PLEKHH2: variants seen among roughly 807,000 people sequenced by gnomAD.
The protein encoded by PLEKHH2 is pleckstrin homology, MyTH4 and FERM domain containing H2, also known as pleckstrin homology domain-containing family H member 2.
In PLEKHH2, 129 loss-of-function variants were observed where a neutral mutation model predicts 187.9. The observed-to-expected ratio is 0.69, with a 90% CI of 0.59 to 0.79. The LOEUF (loss-of-function observed/expected upper bound fraction) is 0.79. PLEKHH2 is among the 30% of genes least tolerant of loss of function. PLEKHH2 has a pLI of 0.00. For synonymous variants in PLEKHH2, 686 were observed against 605.6 expected (o/e 1.13, Z -1.95); for missense variants, 2,076 against 1,751.2 (o/e 1.19, Z -3.31).
chr2:43,726,202 G>A, intron 16 of PLEKHH2, 70 bp from the exon 17 acceptor site: 2 of 1,013,958 alleles, frequency 2.0e-6, no homozygotes, highest in East Asian at 2.6e-5. Flanking sequence ...AAATGAAAAG[G>A]ACTATGAAAT....
In PLEKHH2 at chr2:43,758,898, A is replaced by G; in HGVS notation, c.3942-2A>G. On this transcript the variant is annotated splice_acceptor_variant, in intron 26 of 29. Coordinates refer to ENST00000282406, the MANE Select transcript of PLEKHH2 (RefSeq NM_172069.4). LOFTEE classifies it high-confidence loss of function. ...TGTTTTTGTTCTTTTCTTTTTTTTT[A>G]GGCAGCTTTGCCAGCGACTTTCAAC... 6.4e-7 allele frequency: 1 copy of G among 1,568,208 alleles called. No homozygotes were observed. Among genetic ancestry groups the G allele is most frequent in the Non-Finnish European group, 8.6e-7 (1 of 1,156,544 alleles).
At chr2:43,681,779 C>T (rs1321999756) in intron 3 of PLEKHH2, among the ~76,000 whole-genome samples, 1 of 152,208 alleles carries the variant, frequency 6.6e-6, no homozygotes, top group Non-Finnish European at 1.5e-5. Context: ...TGGACCCTCT[C>T]CCCACCAGGC....
chr2:43,680,883 C>G, intron 3 of PLEKHH2: 1 of 566,294 alleles, frequency 1.8e-6, no homozygotes, highest in Non-Finnish European at 3.2e-6. Flanking sequence ...TTCCATTTGA[C>G]AAGTAGAATT....
chr2:43,640,147 A>G (rs995311926), intron 1 of PLEKHH2, among the ~76,000 whole-genome samples: 2 of 152,140 alleles, frequency 1.3e-5, no homozygotes, highest in African/African-American at 4.8e-5. Flanking sequence ...TAAAGTTACC[A>G]ATACTTTATA....
intron 4 of PLEKHH2, 113 bp from the exon 5 acceptor site, chr2:43,694,318 T>G: frequency 8.2e-7 from 1 of 1,217,130 alleles, no homozygotes; most frequent in Non-Finnish European, 1.1e-6. Context: ...TGAAAGCAGA[T>G]ATAGTAACTT....
In PLEKHH2 at chr2:43,766,463, A is replaced by G. The variant is rs193174719; in HGVS notation, c.*865A>G. ...TTGAAAATAGATTCCCTACACATAC[A>G]TACATATGTATGCACAGATAGGGTC... On this transcript the variant is annotated 3_prime_UTR_variant, in exon 30 of 30. Transcript: ENST00000282406. 1 of 152,746 alleles carries G rather than the reference A, an allele frequency of 6.5e-6. No individual in the cohort carries two copies. Among genetic ancestry groups the G allele is most frequent in the East Asian group, 1.9e-4 (1 of 5,322 alleles). The allele number at this position is 152,746 out of a possible 1,614,324, so 9.5% of individuals were successfully genotyped here.
intron 24 of PLEKHH2, among the ~76,000 whole-genome samples, chr2:43,751,635 C>G (rs979834222): frequency 1.3e-5 from 2 of 152,320 alleles, no homozygotes; most frequent in South Asian, 4.1e-4. Context: ...GGGAATACCC[C>G]CGCGAGCTAA....
At chr2:43,675,900 T>G in intron 2 of PLEKHH2, 1 of 1,614,126 alleles carries the variant, frequency 6.2e-7, no homozygotes, top group African/African-American at 1.3e-5. Flanking sequence ...TAGTGGGAAG[T>G]GCAAGGAAGA....
rs116517662 is a variant in PLEKHH2, at chr2:43,715,327, G to C, written c.2460+2944G>C. 5.1e-3 allele frequency among the ~76,000 whole-genome samples: 782 copies of C among 152,254 alleles called. 6 individuals carry two copies. The highest frequency in any genetic ancestry group is 0.017 in the African/African-American group (718 of 41,548). ...TCTCGAAGCAGTGCCAGCTGCACTAGGAACAAGTCCTTTGGAGAAAAAGCT... is the reference window on the plus strand; with the variant it reads ...TCTCGAAGCAGTGCCAGCTGCACTACGAACAAGTCCTTTGGAGAAAAAGCT... On this transcript the variant is annotated intron_variant, in intron 15 of 29. Coordinates refer to ENST00000282406, the MANE Select transcript of PLEKHH2 (RefSeq NM_172069.4).
intron 3 of PLEKHH2, among the ~76,000 whole-genome samples, chr2:43,690,569 G>T (rs536726219): frequency 1.3e-5 from 2 of 152,208 alleles, no homozygotes; most frequent in Admixed American, 6.5e-5. Context: ...GATTCCTTTT[G>T]ACTTTTCAGA....
chr2:43,730,940 A>T (rs1572633137), intron 18 of PLEKHH2, among the ~76,000 whole-genome samples: 1 of 152,146 alleles, frequency 6.6e-6, no homozygotes, highest in East Asian at 1.9e-4. Context: ...CATGCCCCCT[A>T]CCTAGGTCAC....
At position 43,706,315 on chromosome 2, in the gene PLEKHH2, G is replaced by A. The variant is rs563727095; in HGVS notation, c.1727-7G>A. ...TTAAAATGTTGTTTCCTGTTTTTCTGTTTCAGATTCTGCTGCAACCCTTTC... is the reference window on the plus strand; with the variant it reads ...TTAAAATGTTGTTTCCTGTTTTTCTATTTCAGATTCTGCTGCAACCCTTTC... On this transcript the variant is annotated splice_polypyrimidine_tract_variant and splice_region_variant and intron_variant, in intron 9 of 29. Transcript: ENST00000282406. 6.3e-7 allele frequency: 1 copy of A among 1,584,818 alleles called. No individual in the cohort carries two copies.
At position 43,673,765 on chromosome 2, in the gene PLEKHH2, T is replaced by G. The variant is rs572580121; in HGVS notation, c.124-5098T>G. Among the ~76,000 whole-genome samples the G allele has an allele frequency of 3.9e-5, 6 of 152,342 alleles. No individual in the cohort carries two copies. In the South Asian group the frequency reaches 1.2e-3, roughly 32 times the overall value. ...GGAGACTCAGATAAGTTAAATAATGTACCCATCATCACATAGCTAGTATTG... is the reference window on the plus strand; with the variant it reads ...GGAGACTCAGATAAGTTAAATAATGGACCCATCATCACATAGCTAGTATTG... On this transcript the variant is annotated intron_variant, in intron 2 of 29. Transcript: ENST00000282406.
At chr2:43,762,817 C>G (rs1897426) in intron 28 of PLEKHH2, among the ~76,000 whole-genome samples, 46,765 of 152,074 alleles carry the variant, frequency 0.31, 7,534 homozygotes, top group South Asian at 0.43. Flanking sequence ...TATATAGCAT[C>G]TTAGCACTTT....
chr2:43,710,755 A>C, intron 14 of PLEKHH2, 180 bp downstream of exon 14: 2 of 1,382,540 alleles, frequency 1.4e-6, no homozygotes, highest in Non-Finnish European at 1.9e-6. Context: ...ACTATAATGT[A>C]AGTTAGGTGT....
At chr2:43,729,780 T>C in intron 18 of PLEKHH2, 35 bp downstream of exon 18, 1 of 1,430,186 alleles carries the variant, frequency 7.0e-7, no homozygotes, top group Non-Finnish European at 9.5e-7. Flanking sequence ...AGCTTTATGG[T>C]TAATGAAATG....
chr2:43,762,229 T>C, intron 27 of PLEKHH2, 75 bp from the exon 28 acceptor site: 2 of 1,122,006 alleles, frequency 1.8e-6, no homozygotes, highest in Non-Finnish European at 2.6e-6. Flanking sequence ...AAATGTTACA[T>C]GACATTTAGA....
At chr2:43,698,835 C>T (rs568230490) in intron 7 of PLEKHH2, among the ~76,000 whole-genome samples, 1 of 152,132 alleles carries the variant, frequency 6.6e-6, no homozygotes, top group South Asian at 2.1e-4. Flanking sequence ...TTATGTTATA[C>T]ATAAAAATAA....
intron 21 of PLEKHH2, among the ~76,000 whole-genome samples, chr2:43,742,444 A>G (rs533919412): frequency 6.6e-6 from 1 of 152,096 alleles, no homozygotes; most frequent in African/African-American, 2.4e-5. Flanking sequence ...ATTTGTTAAT[A>G]TTAAATCACT....
Sources: allele counts gnomAD v4.1 joint callset (sites outside exome capture counted in the v4.1 genomes callset), GRCh38; gene constraint gnomAD v4.1.1; transcripts MANE v1.5; gene names NCBI Gene and HGNC (gene_info 2026-07-23, HGNC 2026-07-21).